The following ULK4 variants were observed in gnomAD, a reference collection of about 807,000 sequenced individuals.
ULK4 encodes the protein unc-51 like kinase 4.
Under a neutral mutation model 160.6 loss-of-function variants are expected in ULK4, and 133 were observed. The observed-to-expected ratio is 0.83, with a 90% CI of 0.72 to 0.96. The LOEUF (loss-of-function observed/expected upper bound fraction) is 0.96, where lower values mean the gene tolerates loss of function less well. ULK4 is among the 40% of genes least tolerant of loss of function. The probability of loss-of-function intolerance (pLI) is 0.00; values close to 1 mark genes in which losing one functional copy is unlikely to be tolerated. For missense variants in ULK4, 1,580 were observed against 1,499.5 expected (o/e 1.05, Z -0.89); for synonymous variants, 534 against 539.8 (o/e 0.99, Z 0.15).
intron 34 of ULK4, among the ~76,000 whole-genome samples, chr3:41,438,823 C>A (rs186307655): frequency 2.0e-5 from 3 of 152,002 alleles, no homozygotes; most frequent in Admixed American, 2.0e-4. Flanking sequence ...GAATGAGATC[C>A]CCGACTCAAG....
chr3:41,431,362 A>G (rs1317324979), intron 34 of ULK4, among the ~76,000 whole-genome samples: 2 of 86,258 alleles, frequency 2.3e-5, no homozygotes, highest in South Asian at 5.8e-4. Flanking sequence ...CACAAATAAT[A>G]ATAATAATAA....
At chr3:41,445,499 C>G (rs950075496) in intron 34 of ULK4, among the ~76,000 whole-genome samples, 6 of 152,138 alleles carry the variant, frequency 3.9e-5, no homozygotes, top group African/African-American at 1.4e-4. Flanking sequence ...GTAACCAAAA[C>G]AGCATGGTAC....
At chr3:41,710,493 G>C (rs989699850) in intron 25 of ULK4, among the ~76,000 whole-genome samples, 1 of 152,074 alleles carries the variant, frequency 6.6e-6, no homozygotes, top group Non-Finnish European at 1.5e-5. Flanking sequence ...AATTTAACTA[G>C]CATTAAGATT....
At chr3:41,326,465 T>TATATAC (rs951912802) in intron 35 of ULK4, among the ~76,000 whole-genome samples, 4 of 151,338 alleles carry the variant, frequency 2.6e-5, no homozygotes, top group African/African-American at 9.7e-5. Context: ...TATATATATA[T>TATATAC]ATATACATAC....
At chr3:41,918,131 C>T (rs1456236658) in intron 7 of ULK4, among the ~76,000 whole-genome samples, 1 of 152,066 alleles carries the variant, frequency 6.6e-6, no homozygotes, top group Non-Finnish European at 1.5e-5. Flanking sequence ...ACATGGGATA[C>T]GACTACAAAG....
chr3:41,454,471 C>T (rs1239474000), intron 34 of ULK4, among the ~76,000 whole-genome samples: 6 of 142,876 alleles, frequency 4.2e-5, no homozygotes, highest in African/African-American at 5.2e-5. Context: ...ACCTGGTAGG[C>T]GGATGCTGCA....
At chr3:41,821,432 C>T (rs2041141218) in intron 18 of ULK4, among the ~76,000 whole-genome samples, 1 of 152,186 alleles carries the variant, frequency 6.6e-6, no homozygotes, top group South Asian at 2.1e-4. Context: ...TCTCCTCCTT[C>T]ACAGATAAAG....
intron 5 of ULK4, among the ~76,000 whole-genome samples, chr3:41,929,378 C>T (rs1412816110): frequency 6.6e-6 from 1 of 152,108 alleles, no homozygotes; most frequent in Non-Finnish European, 1.5e-5. Flanking sequence ...AACCCACAGC[C>T]AATATCATAC....
chr3:41,876,577 A>G (rs1697310977), intron 17 of ULK4, among the ~76,000 whole-genome samples: 1 of 152,234 alleles, frequency 6.6e-6, no homozygotes, highest in Non-Finnish European at 1.5e-5. Flanking sequence ...CATATCCAAC[A>G]GAGAGCTTGC....
At chr3:41,368,440 GA>G (rs1200771088) in intron 35 of ULK4, among the ~76,000 whole-genome samples, 3 of 152,104 alleles carry the variant, frequency 2.0e-5, no homozygotes, top group Non-Finnish European at 2.9e-5. Context: ...TATATTCACA[GA>G]ACGTGCAATC....
intron 32 of ULK4, among the ~76,000 whole-genome samples, chr3:41,500,851 G>A (rs1691983): frequency 0.83 from 126,375 of 152,086 alleles, 54,042 homozygotes; most frequent in Non-Finnish European, 0.94. Flanking sequence ...TTATAAATGT[G>A]ATCTTGTGTG....
At chr3:41,792,495 A>C (rs1336437525) in intron 20 of ULK4, among the ~76,000 whole-genome samples, 1 of 152,188 alleles carries the variant, frequency 6.6e-6, no homozygotes, top group Non-Finnish European at 1.5e-5. Context: ...TCAACACAGC[A>C]CAACAGTAAG....
rs139723831 is a variant in ULK4, at chr3:41,880,295, A to G, written c.1656+3579T>C. Reference sequence around the variant, plus strand: ...TGGTAAATGTGTTATCTAGGAATATAAGCTTCAGATGGTTATATTTTTCAG... The same window carrying G: ...TGGTAAATGTGTTATCTAGGAATATGAGCTTCAGATGGTTATATTTTTCAG... On this transcript the variant is annotated intron_variant, in intron 17 of 36. Transcript: ENST00000301831. Among the ~76,000 whole-genome samples the G allele has an allele frequency of 6.8e-4, 103 of 152,056 alleles. No homozygotes were observed. In the Middle Eastern group the frequency reaches 0.014, roughly 20 times the overall value.
At chr3:41,423,016 T>A (rs992097538) in intron 34 of ULK4, among the ~76,000 whole-genome samples, 3 of 152,210 alleles carry the variant, frequency 2.0e-5, no homozygotes, top group Non-Finnish European at 4.4e-5. Flanking sequence ...GATTGACATA[T>A]AAGTACAGAC....
At chr3:41,718,753 T>A (rs1039556110) in intron 22 of ULK4, among the ~76,000 whole-genome samples, 2 of 152,202 alleles carry the variant, frequency 1.3e-5, no homozygotes, top group Non-Finnish European at 2.9e-5. Flanking sequence ...ATTTCCATTG[T>A]AAATTGGAGT....
At chr3:41,640,537 G>A (rs2034141607) in intron 30 of ULK4, among the ~76,000 whole-genome samples, 1 of 152,176 alleles carries the variant, frequency 6.6e-6, no homozygotes, top group Non-Finnish European at 1.5e-5. Flanking sequence ...CCAGAGACCT[G>A]TGGGCTACAT....
chr3:41,731,278 T>TG (rs2037812588), intron 22 of ULK4, among the ~76,000 whole-genome samples: 4 of 152,054 alleles, frequency 2.6e-5, no homozygotes, highest in Non-Finnish European at 5.9e-5. Flanking sequence ...TAGAAAATCC[T>TG]AAAGGCTCCA....
chr3:41,696,717 G>A (rs142504065), intron 27 of ULK4, among the ~76,000 whole-genome samples: 1 of 149,490 alleles, frequency 6.7e-6, no homozygotes, highest in African/African-American at 2.6e-5. Context: ...TATTTACATA[G>A]CAAAAGGGAA....
At chr3:41,250,395 C>T (rs1050986126) in intron 35 of ULK4, among the ~76,000 whole-genome samples, 2 of 152,220 alleles carry the variant, frequency 1.3e-5, no homozygotes, top group African/African-American at 2.4e-5. Context: ...TTTCAGAATG[C>T]TGTTTCCTAT....
Sources: gnomAD v4.1 joint callset for allele counts (sites outside exome capture counted in the v4.1 genomes callset) on GRCh38, gnomAD v4.1.1 for gene constraint, MANE v1.5 for transcripts, NCBI Gene and HGNC (gene_info 2026-07-23, HGNC 2026-07-21) for gene names.